HPD: variants seen among roughly 807,000 people sequenced by gnomAD.
The protein encoded by HPD is 4-hydroxyphenylpyruvic acid oxidase.
A neutral mutation model predicts 56.9 loss-of-function variants in HPD; 35 were observed. The observed-to-expected ratio is 0.62, with a 90% CI of 0.47 to 0.82. The LOEUF (loss-of-function observed/expected upper bound fraction) is 0.82. HPD is among the 40% of genes least tolerant of loss of function. The pLI, the probability that HPD is intolerant of heterozygous loss-of-function variation, is 0.00. For missense variants in HPD, 442 were observed against 506.8 expected (o/e 0.87, Z 1.23); for synonymous variants, 186 against 200.2 (o/e 0.93, Z 0.60).
the HPD span, among the ~76,000 whole-genome samples, chr12:121,869,147 C>T: frequency 1.3e-4 from 20 of 151,770 alleles, no homozygotes; most frequent in Non-Finnish European, 2.1e-4. Flanking sequence ...GTCAGGAGTT[C>T]GAGACCAGCC....
At chr12:121,840,402 G>A (rs1482296777) in intron 12 of HPD, among the ~76,000 whole-genome samples, 1 of 152,142 alleles carries the variant, frequency 6.6e-6, no homozygotes, top group Non-Finnish European at 1.5e-5. Context: ...CCGGGTTCAA[G>A]CGATTCTCCT....
At chr12:121,865,476 G>A (rs1878302087), upstream of HPD, among the ~76,000 whole-genome samples, 1 of 149,858 alleles carries the variant, frequency 6.7e-6, no homozygotes, top group African/African-American at 2.4e-5. Flanking sequence ...CGTCATGTTG[G>A]CCAGGCTGGT....
intron 11 of HPD, 70 bp downstream of exon 11, chr12:121,846,791 CT>C (rs1163150220): frequency 4.1e-6 from 6 of 1,456,688 alleles, no homozygotes; most frequent in Non-Finnish European, 9.6e-7. Flanking sequence ...GCCACCCGCC[CT>C]CTCAATTTTG....
At chr12:121,870,242 G>A in the HPD span, among the ~76,000 whole-genome samples, 1 of 152,080 alleles carries the variant, frequency 6.6e-6, no homozygotes, top group Non-Finnish European at 1.5e-5. Flanking sequence ...TGTTTTATGT[G>A]CCAGGCACTG....
At chr12:121,857,078 GT>G (rs1006304069) in intron 4 of HPD, 4 of 527,946 alleles carry the variant, frequency 7.6e-6, no homozygotes, top group Non-Finnish European at 1.4e-5. Context: ...GTTTTTTGTT[GT>G]TTTTTGTTTT....
intron 4 of HPD, chr12:121,857,108 C>T: frequency 1.8e-6 from 1 of 557,300 alleles, no homozygotes; most frequent in Non-Finnish European, 3.2e-6. Flanking sequence ...GAGATGGAGT[C>T]TTGCTCTGTC....
At chr12:121,857,541 G>A in intron 3 of HPD, 109 bp from the exon 4 acceptor site, 1 of 928,390 alleles carries the variant, frequency 1.1e-6, no homozygotes, top group South Asian at 1.3e-5. Flanking sequence ...ATTGCCTCAG[G>A]GGCAGAGACC....
At chr12:121,887,088 C>T in the HPD span, among the ~76,000 whole-genome samples, 2 of 152,030 alleles carry the variant, frequency 1.3e-5, no homozygotes, top group African/African-American at 2.4e-5. Context: ...TTAGTAGAGA[C>T]GGTGTTTCAC....
intron 7 of HPD, among the ~76,000 whole-genome samples, chr12:121,853,031 T>C (rs572448257): frequency 6.6e-6 from 1 of 152,218 alleles, no homozygotes; most frequent in South Asian, 2.1e-4. Flanking sequence ...TACGGGGACA[T>C]GGATGGAGCT....
At chr12:121,851,687 A>ATTATT (rs1877778845) in intron 7 of HPD, among the ~76,000 whole-genome samples, 3 of 92,400 alleles carry the variant, frequency 3.2e-5, no homozygotes, top group African/African-American at 1.3e-4. Context: ...TTATTCATTT[A>ATTATT]TTTATTTATT....
chr12:121,846,733 G>A, intron 11 of HPD, 129 bp downstream of exon 11: 5 of 831,244 alleles, frequency 6.0e-6, no homozygotes, highest in Non-Finnish European at 1.0e-5. Flanking sequence ...GAAGCAGTGA[G>A]GGAGTCCTGT....
chr12:121,842,544 G>T (rs1233076977), intron 12 of HPD, among the ~76,000 whole-genome samples: 1 of 151,872 alleles, frequency 6.6e-6, no homozygotes, highest in African/African-American at 2.4e-5. Flanking sequence ...TCCCACTTCA[G>T]CCTCCCCAGT....
Position 121,857,843 on chromosome 12 carries a change from G to C in HPD, c.31-24C>G, listed in dbSNP as rs112078809. 4.4e-4 allele frequency: 697 copies of C among 1,599,610 alleles called. 2 individuals carry two copies. The African/African-American group carries it at 7.8e-3, about 18-fold the overall frequency. On this transcript the variant is annotated intron_variant, in intron 2 of 13. Coordinates refer to ENST00000289004, the MANE Select transcript of HPD (RefSeq NM_002150.3). ...GGCTGCAGAAGGAGAGAAGAGGTGA[G>C]GTTGAGTCCCTGAAAGTGAGTCTAG... is the stretch of plus-strand genomic sequence containing the variant.
Position 121,839,882 on chromosome 12 carries a change from C to T in HPD, c.1072-44G>A, listed in dbSNP as rs370008150. ...GAGATGAGCCAAGGACCCAGAAAAC[C>T]GAGTGTGCTAGCTGCCTGTCCCCTC... is the stretch of plus-strand genomic sequence containing the variant. On this transcript the variant is annotated intron_variant, in intron 13 of 13. Coordinates refer to ENST00000289004, the MANE Select transcript of HPD (RefSeq NM_002150.3). The T allele has an allele frequency of 5.0e-6, 8 of 1,608,380 alleles. No individual in the cohort carries two copies. In the African/African-American group the frequency reaches 9.4e-5, roughly 19 times the overall value.
Position 121,843,803 on chromosome 12 carries a change from C to T in HPD, c.861G>A (p.Glu287=). ...AIRHLRERGL[E]FLSVPSTYYK... is the part of the protein sequence containing the mutation. Reference sequence around the variant, plus strand: ...AGTACGTGGAGGGAACAGATAAGAACTCCAGGCCTCTCTCTCTCAAGTGGC... The same window carrying T: ...AGTACGTGGAGGGAACAGATAAGAATTCCAGGCCTCTCTCTCTCAAGTGGC... The change falls in exon 12 of 14, where the codon GAG becomes GAA. Residue 287 remains glutamate (E), a synonymous_variant. Transcript: ENST00000289004. 1.2e-6 allele frequency: 2 copies of T among 1,614,096 alleles called. No homozygotes were observed. The highest frequency in any genetic ancestry group is 2.2e-5 in the South Asian group (2 of 91,080).
chr12:121,849,150 A>G (rs1877680723), intron 8 of HPD, 74 bp from the exon 9 acceptor site: 3 of 867,644 alleles, frequency 3.5e-6, no homozygotes, highest in African/African-American at 3.3e-5. Context: ...ACCCCTCAAT[A>G]ATAATAATAG....
chr12:121,843,739 T>C lies in HPD; in HGVS notation c.925A>G (p.Lys309Glu), dbSNP rs762933657. 18 of 1,614,044 alleles carry C rather than the reference T, an allele frequency of 1.1e-5. No individual in the cohort carries two copies. The highest frequency in any genetic ancestry group is 1.7e-5 in the Admixed American group (1 of 59,986). Residue 309 changes from lysine (K) to glutamate (E), a missense_variant, in exon 12 of 14, where the codon AAG becomes GAG. Physicochemically the swap from Lys to Glu is moderately conservative, Grantham distance 56. Coordinates refer to ENST00000289004, the MANE Select transcript of HPD (RefSeq NM_002150.3). ...AGGGCATCAATGTTCTCCTTCACCTTGATCTTGGCCGTCTTCAGCTTCTCC... is the reference window on the plus strand; with the variant it reads ...AGGGCATCAATGTTCTCCTTCACCTCGATCTTGGCCGTCTTCAGCTTCTCC... ...LREKLKTAKIKVKENIDALEE... is the reference protein window; with the variant it reads ...LREKLKTAKIEVKENIDALEE...
chr12:121,880,072 G>A, the HPD span, among the ~76,000 whole-genome samples: 19 of 151,750 alleles, frequency 1.3e-4, no homozygotes, highest in Admixed American at 7.9e-4. Context: ...GCTTGAGCCT[G>A]GGAGGTTGAG....
At chr12:121,858,661 A>G (rs1878092194) in intron 2 of HPD, 26 bp downstream of exon 2, 2 of 1,612,352 alleles carry the variant, frequency 1.2e-6, no homozygotes, top group Non-Finnish European at 1.7e-6. Flanking sequence ...TCAGGCCCCT[A>G]CATTTCCCAC....
Sources: allele counts gnomAD v4.1 joint callset (sites outside exome capture counted in the v4.1 genomes callset), GRCh38; gene constraint gnomAD v4.1.1; transcripts MANE v1.5; gene names NCBI Gene and HGNC (gene_info 2026-07-23, HGNC 2026-07-21).